Variants in SLC30A9 observed in about 807,000 individuals in gnomAD.
SLC30A9 encodes solute carrier family 30 member 9.
Under a neutral mutation model 87.5 loss-of-function variants are expected in SLC30A9, and 58 were observed. That is an observed-to-expected ratio of 0.66 (90% CI 0.54 to 0.82). The LOEUF is 0.82. SLC30A9 is among the 40% of genes least tolerant of loss of function. The pLI is 0.00. For missense variants in SLC30A9, 557 were observed against 679.1 expected, an observed-to-expected ratio of 0.82 and a Z score of 2.00; for synonymous variants, 234 against 233.0, an observed-to-expected ratio of 1.00 and a Z score of -0.04.
chr4:42,055,730 G>T (rs1426189845), intron 9 of SLC30A9, among the ~76,000 whole-genome samples: 1 of 152,130 alleles, frequency 6.6e-6, no homozygotes, highest in Non-Finnish European at 1.5e-5. Context: ...AAGAAGACAT[G>T]GTTCTTTCTC....
rs1212038435 is a variant in SLC30A9 at position 42,060,114 on chromosome 4, C to T, written c.841-77C>T. ...GTTTCTTTGTCATTGTTAGCCTGCACCCTCCACATTGGCTTTACCATATTA... is the reference window on the plus strand; with the variant it reads ...GTTTCTTTGTCATTGTTAGCCTGCATCCTCCACATTGGCTTTACCATATTA... On this transcript the variant is annotated intron_variant, in intron 9 of 17. Coordinates refer to ENST00000264451, the MANE Select transcript of SLC30A9 (RefSeq NM_006345.4). 13 of 1,069,576 alleles carry T rather than the reference C, an allele frequency of 1.2e-5. 1 individual carries two copies. In the East Asian group the frequency reaches 2.1e-4, roughly 18 times the overall value. The allele number at this position is 1,069,576 out of a possible 1,614,324, so 66.3% of individuals were successfully genotyped here.
intron 17 of SLC30A9, among the ~76,000 whole-genome samples, chr4:42,083,081 TATG>T (rs1718799874): frequency 1.3e-5 from 2 of 152,210 alleles, no homozygotes; most frequent in Non-Finnish European, 2.9e-5. Flanking sequence ...GTTTTTTGTT[TATG>T]ATGATTAATG....
At chr4:42,030,721 T>C (rs1471865366) in intron 6 of SLC30A9, among the ~76,000 whole-genome samples, 1 of 152,160 alleles carries the variant, frequency 6.6e-6, no homozygotes, top group African/African-American at 2.4e-5. Flanking sequence ...CAGGGATTTG[T>C]CATGGGGGAA....
chr4:42,047,555 C>T (rs893320964), intron 8 of SLC30A9, among the ~76,000 whole-genome samples: 5 of 152,204 alleles, frequency 3.3e-5, no homozygotes, highest in African/African-American at 1.2e-4. Flanking sequence ...GTTAGATTGG[C>T]GATCATTTAA....
chr4:42,029,303 G>T, intron 6 of SLC30A9: 1 of 491,266 alleles, frequency 2.0e-6, no homozygotes, highest in Non-Finnish European at 4.0e-6. Context: ...GGTGGCAGTT[G>T]GTTTAAGATC....
intron 8 of SLC30A9, among the ~76,000 whole-genome samples, chr4:42,046,927 C>T (rs1246727128): frequency 6.6e-6 from 1 of 152,144 alleles, no homozygotes; most frequent in East Asian, 1.9e-4. Flanking sequence ...AGAAATAACA[C>T]CAAACATCTA....
At chr4:42,012,786 C>CAAAA (rs904041113) in intron 2 of SLC30A9, among the ~76,000 whole-genome samples, 1 of 150,870 alleles carries the variant, frequency 6.6e-6, no homozygotes, top group African/African-American at 2.4e-5. Flanking sequence ...AACAAACAAA[C>CAAAA]AAAAAAAACT....
chr4:42,012,447 A>C (rs572249352), intron 2 of SLC30A9, among the ~76,000 whole-genome samples: 1 of 152,276 alleles, frequency 6.6e-6, no homozygotes, highest in East Asian at 1.9e-4. Flanking sequence ...GATGAATGTC[A>C]TTTTAAAAAA....
At chr4:42,066,458 G>A in intron 12 of SLC30A9, 92 bp from the exon 13 acceptor site, 1 of 700,786 alleles carries the variant, frequency 1.4e-6, no homozygotes, top group Non-Finnish European at 2.4e-6. Context: ...GTTTTAAAAT[G>A]TTGTGCTTAT....
chr4:42,053,251 A>G (rs1246195715), intron 9 of SLC30A9, among the ~76,000 whole-genome samples: 1 of 152,208 alleles, frequency 6.6e-6, no homozygotes, highest in Non-Finnish European at 1.5e-5. Context: ...TCTCCCAGTC[A>G]TTGCTGGTGT....
intron 2 of SLC30A9, among the ~76,000 whole-genome samples, chr4:42,008,158 A>C (rs1291558457): frequency 6.6e-6 from 1 of 152,154 alleles, no homozygotes; most frequent in African/African-American, 2.4e-5. Context: ...TTGTTGTTAT[A>C]GGGCCTTTGC....
intron 14 of SLC30A9, chr4:42,070,167 T>C: frequency 6.2e-6 from 1 of 162,554 alleles, no homozygotes; most frequent in Non-Finnish European, 1.3e-5. Flanking sequence ...ACTGTTATTT[T>C]GTCTATCTGG....
Position 42,001,566 on chromosome 4 carries a change from T to C in SLC30A9, c.110-50T>C, listed in dbSNP as rs376165142. The C allele has an allele frequency of 2.5e-6, 3 of 1,214,246 alleles. No individual in the cohort carries two copies. The African/African-American group carries it at 4.6e-5, about 19-fold the overall frequency. 75.2% of individuals were successfully genotyped at this position (1,214,246 alleles called of 1,614,324 possible). A position where few individuals can be genotyped will look rare whatever the true frequency, so the allele number is the denominator to read the frequency against. On this transcript the variant is annotated intron_variant, in intron 1 of 17. Coordinates refer to ENST00000264451, the MANE Select transcript of SLC30A9 (RefSeq NM_006345.4). ...GAGAGGGTGGCTTGGCAATTAATTA[T>C]GCAGCTAGGACTTGGTTTGAAATTA... is the stretch of plus-strand genomic sequence containing the variant.
Position 41,990,639 on chromosome 4 carries a change from C to G in SLC30A9, c.-13C>G, listed in dbSNP as rs1457615139. 5 of 1,560,396 alleles carry G rather than the reference C, an allele frequency of 3.2e-6. No homozygotes were observed. The highest frequency in any genetic ancestry group is 2.2e-5 in the South Asian group (2 of 89,302). On this transcript the variant is annotated 5_prime_UTR_variant, in exon 1 of 18. Transcript: ENST00000264451. ...GAAGGCGGTGTCCGAGTAGGGGCCT[C>G]TGCCCCACCAGGATGTTACCCGGCT... is the stretch of plus-strand genomic sequence containing the variant.
chr4:42,052,252 A>C (rs1237144156), intron 9 of SLC30A9, among the ~76,000 whole-genome samples: 2 of 152,214 alleles, frequency 1.3e-5, no homozygotes, highest in Non-Finnish European at 2.9e-5. Flanking sequence ...TGTTGCTGAG[A>C]GAAATCAAAG....
rs1479823275 is a variant in SLC30A9, at chr4:42,088,278, C to T, written c.*2152C>T. On this transcript the variant is annotated 3_prime_UTR_variant, in exon 18 of 18. Transcript: ENST00000264451. ...AGAGAATTTGGGCTGGATATGGTGG[C>T]TTATGCCTGTAATCCCAGCACTTTG... 1 of 152,108 alleles carries T rather than the reference C, an allele frequency of 6.6e-6. No individual in the cohort carries two copies. The highest frequency in any genetic ancestry group is 1.5e-5 in the Non-Finnish European group (1 of 68,034). 9.4% of individuals were successfully genotyped at this position (152,108 alleles called of 1,614,324 possible).
At chr4:42,061,664 G>A (rs1003871410) in intron 10 of SLC30A9, among the ~76,000 whole-genome samples, 1 of 152,170 alleles carries the variant, frequency 6.6e-6, no homozygotes, top group Non-Finnish European at 1.5e-5. Context: ...TTGGGAGGCT[G>A]AGGCAGGTGG....
intron 10 of SLC30A9, among the ~76,000 whole-genome samples, chr4:42,061,262 T>G (rs1327737475): frequency 6.6e-6 from 1 of 152,260 alleles, no homozygotes; most frequent in Non-Finnish European, 1.5e-5. Flanking sequence ...GCACTTGAAA[T>G]GTGGCCAGTG....
rs1717931143 is a variant in SLC30A9, at chr4:42,063,073, T to C, written c.984T>C (p.His328=). Residue 328 remains histidine, a synonymous_variant, in exon 11 of 18, where the codon CAT becomes CAC. Transcript: ENST00000264451. ...TGGGTGCAGGACTATCTTGGTACCATGGAGTCATGGGATTGCTTCATCCTC... is the reference window on the plus strand; with the variant it reads ...TGGGTGCAGGACTATCTTGGTACCACGGAGTCATGGGATTGCTTCATCCTC... ...FMMGAGLSWY[H]GVMGLLHPQP... The C allele has an allele frequency of 6.2e-7, 1 of 1,613,736 alleles. No individual in the cohort carries two copies. The highest frequency in any genetic ancestry group is 8.5e-7 in the Non-Finnish European group (1 of 1,179,660).
Sources: gnomAD v4.1 joint callset for allele counts (sites outside exome capture counted in the v4.1 genomes callset) on GRCh38, gnomAD v4.1.1 for gene constraint, MANE v1.5 for transcripts, NCBI Gene and HGNC (gene_info 2026-07-23, HGNC 2026-07-21) for gene names.